Variants in ZNF143 observed in about 807,000 individuals in gnomAD.
ZNF143 encodes zinc finger protein 143, also known as SPH-binding factor.
ZNF143 carries 49 observed loss-of-function variants against 74.1 expected under a neutral mutation model. The observed-to-expected ratio is 0.66, with a 90% CI of 0.53 to 0.84. The LOEUF (loss-of-function observed/expected upper bound fraction) is 0.84. Among genes scored for constraint, ZNF143 ranks in the 40% least tolerant of loss-of-function variants. The pLI, the probability that ZNF143 is intolerant of heterozygous loss-of-function variation, is 0.00. For missense variants in ZNF143, 637 were observed against 793.4 expected, an observed-to-expected ratio of 0.80 and a Z score of 2.37; for synonymous variants, 304 against 282.8, an observed-to-expected ratio of 1.07 and a Z score of -0.75.
chr11:9,470,454 G>A (rs552462528), intron 1 of ZNF143, among the ~76,000 whole-genome samples: 2 of 152,304 alleles, frequency 1.3e-5, no homozygotes, highest in South Asian at 4.1e-4. Context: ...GTTTGAAATG[G>A]GATGGACAGG....
In ZNF143 at chr11:9,498,983, C is replaced by T. The variant is rs760366700; in HGVS notation, c.967+1183C>T. On this transcript the variant is annotated intron_variant, in intron 10 of 15. Transcript: ENST00000396602. ...CACTTTTTATTTATTGTATCAGAGG[C>T]GAGTATTTCCAAGCTCCCATAAATT... Among the ~76,000 whole-genome samples the T allele has an allele frequency of 4.3e-4, 66 of 152,044 alleles. 1 individual carries two copies. The highest frequency in any genetic ancestry group is 1.6e-4 in the Non-Finnish European group (11 of 68,006).
intron 7 of ZNF143, among the ~76,000 whole-genome samples, chr11:9,480,218 A>G (rs142818612): frequency 6.6e-6 from 1 of 152,332 alleles, no homozygotes; most frequent in East Asian, 1.9e-4. Flanking sequence ...ATTCTTGCAT[A>G]TCTCCTACAA....
intron 14 of ZNF143, among the ~76,000 whole-genome samples, chr11:9,522,197 A>G (rs1378314566): frequency 6.6e-6 from 1 of 152,122 alleles, no homozygotes; most frequent in Non-Finnish European, 1.5e-5. Flanking sequence ...AAATTAAACA[A>G]AAAAAGTAAA....
At chr11:9,504,972 C>T (rs1395080062) in intron 11 of ZNF143, among the ~76,000 whole-genome samples, 1 of 94,670 alleles carries the variant, frequency 1.1e-5, no homozygotes, top group Non-Finnish European at 2.4e-5. Context: ...CACGCCCAGC[C>T]TCTTTTTTTT....
intron 5 of ZNF143, 146 bp downstream of exon 5, chr11:9,474,779 T>C: frequency 1.1e-6 from 1 of 884,856 alleles, no homozygotes; most frequent in Non-Finnish European, 1.7e-6. Context: ...TTAAGCATGA[T>C]TTAAGGAAAA....
At position 9,474,570 on chromosome 11, in the gene ZNF143, G is replaced by C. The variant is rs1355274140; in HGVS notation, c.310G>C (p.Glu104Gln). 2 of 1,614,056 alleles carry C rather than the reference G, an allele frequency of 1.2e-6. No individual in the cohort carries two copies. Among genetic ancestry groups the C allele is most frequent in the African/African-American group, 2.7e-5 (2 of 74,928 alleles). Residue 104 changes from glutamate to glutamine, a missense_variant, in exon 5 of 16, where the codon GAG (glutamate) becomes CAG (glutamine). Glu to Gln is a conservative substitution (Grantham distance 29, BLOSUM62 2). Transcript: ENST00000396602. ...TTGAGCAGGGGACAGTTTGCGTCTA[G>C]AGGATGGTCAAGCAGTACAGTTAGA... ...PKSTGDSLRL[E>Q]DGQAVQLEDG...
intron 7 of ZNF143, among the ~76,000 whole-genome samples, chr11:9,480,947 A>G (rs914123837): frequency 1.6e-4 from 25 of 152,286 alleles, no homozygotes; most frequent in Admixed American, 1.6e-3. Flanking sequence ...CTGAATAGCC[A>G]ATATTTCTGT....
intron 10 of ZNF143, 141 bp from the exon 11 acceptor site, chr11:9,500,950 C>CG: frequency 7.5e-6 from 7 of 939,542 alleles, no homozygotes; most frequent in Non-Finnish European, 1.1e-5. Context: ...CCCCAACCCC[C>CG]CCAAAAAAAT....
In ZNF143 at chr11:9,517,266, ATCTT is replaced by A. The variant is rs373287052; in HGVS notation, c.1686+908_1686+911del. On this transcript the variant is annotated intron_variant, in intron 14 of 15. Coordinates refer to ENST00000396602, the MANE Select transcript of ZNF143 (RefSeq NM_003442.6). ...GTCTTTTAAACTTAACATCTTCAAAATCTTTCTATTTCATTATATAGAGAACTTC... is the reference window on the plus strand; with the variant it reads ...GTCTTTTAAACTTAACATCTTCAAAATCTATTTCATTATATAGAGAACTTC... Among the ~76,000 whole-genome samples, 712 of 150,012 alleles carry A rather than the reference ATCTT, an allele frequency of 4.7e-3. 6 individuals carry two copies. The highest frequency in any genetic ancestry group is 0.017 in the African/African-American group (682 of 40,782).
rs994462022 is a variant in ZNF143 at position 9,477,098 on chromosome 11, A to T, written c.374-1292A>T. ...AATTTCTTTAATTACAGTTGGAAAA[A>T]AGTAAAGTCTGCACCCCTTCCTTCC... is the stretch of plus-strand genomic sequence containing the variant. On this transcript the variant is annotated intron_variant, in intron 5 of 15. Transcript: ENST00000396602. Among the ~76,000 whole-genome samples the T allele has an allele frequency of 1.3e-4, 19 of 148,488 alleles. 1 individual carries two copies. The highest frequency in any genetic ancestry group is 4.3e-4 in the African/African-American group (17 of 39,950).
intron 5 of ZNF143, among the ~76,000 whole-genome samples, chr11:9,475,147 A>T (rs1856802119): frequency 6.6e-6 from 1 of 152,226 alleles, no homozygotes; most frequent in Non-Finnish European, 1.5e-5. Context: ...TGCTGGGATT[A>T]TAGGCGTTAG....
intron 1 of ZNF143, among the ~76,000 whole-genome samples, chr11:9,468,477 C>G (rs1856377056): frequency 6.6e-6 from 1 of 152,184 alleles, no homozygotes; most frequent in African/African-American, 2.4e-5. Flanking sequence ...TGGAACTGCA[C>G]AAAGCCTTCA....
intron 7 of ZNF143, among the ~76,000 whole-genome samples, chr11:9,485,347 C>CTTTTTTTTT (rs544497040): frequency 6.3e-5 from 7 of 110,428 alleles, no homozygotes; most frequent in Non-Finnish European, 1.1e-4. Context: ...TTCTCTCTCT[C>CTTTTTTTTT]TTTTTTTTTT....
In ZNF143 at chr11:9,472,753, A is replaced by G. The variant is rs755958286; in HGVS notation, c.189A>G (p.Ile63Met). 1 of 1,588,692 alleles carries G rather than the reference A, an allele frequency of 6.3e-7. No homozygotes were observed. Among genetic ancestry groups the G allele is most frequent in the South Asian group, 1.2e-5 (1 of 86,564 alleles). Residue 63 changes from isoleucine to methionine, a missense_variant, in exon 3 of 16, where the codon ATA becomes ATG. Ile to Met is a conservative substitution (Grantham distance 10, BLOSUM62 1). This residue lies in a region of ZNF143 where 293 missense variants were observed against 307.8 expected (regional missense o/e 0.95). Transcript: ENST00000396602. ...TTGCAGATGGTTCTACTGCTTACAT[A>G]CAACACAATTCTAAAGGTATGTGCC... is the stretch of plus-strand genomic sequence containing the variant. ...VTLADGSTAY[I>M]QHNSKDAKLI...
At chr11:9,526,847 CG>C (rs1164085255) in intron 15 of ZNF143, among the ~76,000 whole-genome samples, 1 of 152,102 alleles carries the variant, frequency 6.6e-6, no homozygotes, top group Non-Finnish European at 1.5e-5. Flanking sequence ...TTTTTTGAGA[CG>C]GAGTCTCGCT....
chr11:9,507,268 T>A (rs1358046923), intron 11 of ZNF143, among the ~76,000 whole-genome samples: 1 of 152,200 alleles, frequency 6.6e-6, no homozygotes, highest in Non-Finnish European at 1.5e-5. Flanking sequence ...CACTTTCATA[T>A]GTACATTTTA....
At chr11:9,470,854 G>A (rs886403367) in intron 1 of ZNF143, among the ~76,000 whole-genome samples, 1 of 152,114 alleles carries the variant, frequency 6.6e-6, no homozygotes, top group African/African-American at 2.4e-5. Context: ...TTATAGTAAT[G>A]CAGGTGAGAG....
chr11:9,478,317 C>G (rs559280727), intron 5 of ZNF143, 73 bp from the exon 6 acceptor site: 47 of 1,504,664 alleles, frequency 3.1e-5, no homozygotes, highest in Non-Finnish European at 3.7e-5. Flanking sequence ...GCTCATTTCT[C>G]TCTTCCTTTA....
chr11:9,506,968 A>G (rs973088329), intron 11 of ZNF143, among the ~76,000 whole-genome samples: 1 of 152,086 alleles, frequency 6.6e-6, no homozygotes, highest in Non-Finnish European at 1.5e-5. Context: ...CTAAATATCA[A>G]TTGGGCTGAT....
Sources: allele counts gnomAD v4.1 joint callset (sites outside exome capture counted in the v4.1 genomes callset), GRCh38; gene constraint gnomAD v4.1.1; regional missense constraint gnomAD v4.1.1; transcripts MANE v1.5; gene names NCBI Gene and HGNC (gene_info 2026-07-23, HGNC 2026-07-21).